Variants in ALPK1 observed in about 807,000 individuals in gnomAD.
The protein encoded by ALPK1 is alpha-protein kinase 1.
Under a neutral mutation model 120.6 loss-of-function variants are expected in ALPK1, and 110 were observed. The observed-to-expected ratio is 0.91, with a 90% CI of 0.78 to 1.07. The LOEUF is 1.07. Ranked by LOEUF, ALPK1 falls within the 50% of genes least tolerant of loss-of-function variation. The probability of loss-of-function intolerance (pLI) is 0.00; values close to 1 mark genes in which losing one functional copy is unlikely to be tolerated. For synonymous variants in ALPK1, 582 were observed against 560.3 expected, an observed-to-expected ratio of 1.04 and a Z score of -0.55; for missense variants, 1,498 against 1,483.9, an observed-to-expected ratio of 1.01 and a Z score of -0.16.
intron 2 of ALPK1, chr4:112,358,059 A>C (rs1467109212): frequency 3.4e-6 from 2 of 588,684 alleles, no homozygotes; most frequent in Non-Finnish European, 6.5e-6. Flanking sequence ...ACGGGCCTCC[A>C]TAGCCCCCAC....
At chr4:112,418,566 G>A (rs1733848706) in intron 5 of ALPK1, among the ~76,000 whole-genome samples, 2 of 152,186 alleles carry the variant, frequency 1.3e-5, no homozygotes, top group African/African-American at 2.4e-5. Flanking sequence ...CTGGCCAGAG[G>A]AGCACACCAA....
chr4:112,441,346 C>A lies in ALPK1; in HGVS notation c.*136C>A. 1 of 768,616 alleles carries A rather than the reference C, an allele frequency of 1.3e-6. No individual in the cohort carries two copies. Among genetic ancestry groups the A allele is most frequent in the Non-Finnish European group, 2.4e-6 (1 of 420,772 alleles). The allele number at this position is 768,616 out of a possible 1,614,324, so 47.6% of individuals were successfully genotyped here. ...GGCAGCACAAGATCCTGCAGAGCCT[C>A]TTTCCCTCTGCCACAGTTATCAAGA... On this transcript the variant is annotated 3_prime_UTR_variant, in exon 16 of 16. Coordinates refer to ENST00000650871, the MANE Select transcript of ALPK1 (RefSeq NM_025144.4).
intron 2 of ALPK1, among the ~76,000 whole-genome samples, chr4:112,316,676 G>C (rs558836715): frequency 6.6e-6 from 1 of 152,290 alleles, no homozygotes; most frequent in African/African-American, 2.4e-5. Flanking sequence ...TAATGGGTGT[G>C]AGGTAGTGTC....
chr4:112,336,752 A>G (rs1729637872), intron 2 of ALPK1, among the ~76,000 whole-genome samples: 1 of 152,204 alleles, frequency 6.6e-6, no homozygotes, highest in South Asian at 2.1e-4. Context: ...TGCTGGCCTT[A>G]TAAAATGAAC....
At chr4:112,353,234 C>A (rs1305794624) in intron 2 of ALPK1, among the ~76,000 whole-genome samples, 1 of 152,166 alleles carries the variant, frequency 6.6e-6, no homozygotes, top group East Asian at 1.9e-4. Context: ...CCTCAGCCTC[C>A]CAAAGTGCTG....
In ALPK1 at chr4:112,388,308, A is replaced by G. The variant is rs1732242001; in HGVS notation, c.276+5756A>G. On this transcript the variant is annotated intron_variant, in intron 4 of 15. Transcript: ENST00000650871. Reference sequence around the variant, plus strand: ...TGCAGAAAATGCTTTAAAAATGCCTAGTGTGACTAACTCGTGAGCTCAGGG... The same window carrying G: ...TGCAGAAAATGCTTTAAAAATGCCTGGTGTGACTAACTCGTGAGCTCAGGG... 2.6e-5 allele frequency among the ~76,000 whole-genome samples: 4 copies of G among 152,200 alleles called. No individual in the cohort carries two copies. In the South Asian group the frequency reaches 6.2e-4, roughly 24 times the overall value.
At chr4:112,331,149 T>G (rs904270336) in intron 2 of ALPK1, among the ~76,000 whole-genome samples, 2 of 152,204 alleles carry the variant, frequency 1.3e-5, no homozygotes, top group Admixed American at 1.3e-4. Context: ...GTTGAGTCCA[T>G]GCATAACCTT....
At chr4:112,387,426 G>C (rs1218974314) in intron 4 of ALPK1, among the ~76,000 whole-genome samples, 1 of 152,186 alleles carries the variant, frequency 6.6e-6, no homozygotes, top group African/African-American at 2.4e-5. Flanking sequence ...GCTTATTTCT[G>C]TGGAGGGAGG....
rs79869754 is a variant in ALPK1 at position 112,421,796 on chromosome 4, A to C, written c.476-2148A>C. 2.0e-3 allele frequency among the ~76,000 whole-genome samples: 308 copies of C among 152,322 alleles called. 9 individuals carry two copies. The East Asian group carries it at 0.046, about 23-fold the overall frequency. On this transcript the variant is annotated intron_variant, in intron 5 of 15. Transcript: ENST00000650871. ...GGAGATGTGACAGCAAAACTAGCACAAATCTCTTTTTCCTTCTTCACCATT... is the reference window on the plus strand; with the variant it reads ...GGAGATGTGACAGCAAAACTAGCACCAATCTCTTTTTCCTTCTTCACCATT...
chr4:112,414,167 A>G (rs1733623252), intron 5 of ALPK1: 2 of 437,262 alleles, frequency 4.6e-6, no homozygotes, highest in South Asian at 3.1e-5. Context: ...AGATTATATA[A>G]TATTGTAAGA....
Position 112,377,758 on chromosome 4 carries a change from C to A in ALPK1, c.-20C>A. On this transcript the variant is annotated 5_prime_UTR_variant, in exon 3 of 16. Coordinates refer to ENST00000650871, the MANE Select transcript of ALPK1 (RefSeq NM_025144.4). ...ATTGATCACCCTAGACCCAGGGACA[C>A]CCAATTCATCGTAATCATCATGAAT... The A allele has an allele frequency of 6.3e-7, 1 of 1,597,870 alleles. No homozygotes were observed. Among genetic ancestry groups the A allele is most frequent in the Non-Finnish European group, 8.6e-7 (1 of 1,168,280 alleles).
chr4:112,387,445 G>T (rs1732202730), intron 4 of ALPK1, among the ~76,000 whole-genome samples: 1 of 152,168 alleles, frequency 6.6e-6, no homozygotes, highest in Non-Finnish European at 1.5e-5. Flanking sequence ...GGGGCCTGCT[G>T]TCAGTCAGCC....
chr4:112,334,690 C>A (rs1729535853), intron 2 of ALPK1, among the ~76,000 whole-genome samples: 1 of 152,032 alleles, frequency 6.6e-6, no homozygotes, highest in Non-Finnish European at 1.5e-5. Flanking sequence ...GGGAAAGTCA[C>A]AATAAGGAGG....
At chr4:112,379,829 A>G (rs933917050) in intron 3 of ALPK1, among the ~76,000 whole-genome samples, 17 of 152,230 alleles carry the variant, frequency 1.1e-4, no homozygotes, top group African/African-American at 3.9e-4. Context: ...CATTTTAAAA[A>G]CATAGTTAAG....
intron 2 of ALPK1, among the ~76,000 whole-genome samples, chr4:112,374,449 C>T (rs1731561277): frequency 6.6e-6 from 1 of 152,214 alleles, no homozygotes; most frequent in Non-Finnish European, 1.5e-5. Context: ...ATGAGGGTTA[C>T]ACTCGGTTTC....
chr4:112,313,596 G>T (rs943996395), intron 1 of ALPK1, among the ~76,000 whole-genome samples: 1 of 152,146 alleles, frequency 6.6e-6, no homozygotes, highest in African/African-American at 2.4e-5. Context: ...GGTGGCAAAT[G>T]CCTGTAATCC....
intron 4 of ALPK1, among the ~76,000 whole-genome samples, chr4:112,392,965 G>A (rs1055202952): frequency 6.6e-6 from 1 of 152,214 alleles, no homozygotes; most frequent in African/African-American, 2.4e-5. Flanking sequence ...AGCAAAGAAG[G>A]TTTATTCTGT....
intron 2 of ALPK1, among the ~76,000 whole-genome samples, chr4:112,376,646 C>A (rs1235602948): frequency 6.6e-6 from 1 of 152,226 alleles, no homozygotes; most frequent in Non-Finnish European, 1.5e-5. Context: ...AACACCAACA[C>A]AATAATTCAC....
intron 4 of ALPK1, among the ~76,000 whole-genome samples, chr4:112,392,452 A>G (rs1732461234): frequency 6.6e-6 from 1 of 152,188 alleles, no homozygotes; most frequent in Non-Finnish European, 1.5e-5. Context: ...GGTTCCAAGC[A>G]TATCATCTCA....
Sources: allele counts gnomAD v4.1 joint callset (sites outside exome capture counted in the v4.1 genomes callset), GRCh38; gene constraint gnomAD v4.1.1; transcripts MANE v1.5; gene names NCBI Gene and HGNC (gene_info 2026-07-23, HGNC 2026-07-21).